The following GARIN1B variants were observed in gnomAD, a reference collection of about 807,000 sequenced individuals.
GARIN1B encodes the protein Golgi-associated RAB2 interactor protein 1B.
At chr7:128,731,012 T>A in the GARIN1B span, 494 of 1,257,746 alleles carry the variant, frequency 3.9e-4, 6 homozygotes, top group African/African-American at 4.1e-4. Flanking sequence ...ACAATTTTTT[T>A]AAATTAGCAT....
At chr7:128,729,061 C>T in the GARIN1B span, among the ~76,000 whole-genome samples, 2 of 152,140 alleles carry the variant, frequency 1.3e-5, no homozygotes, top group Non-Finnish European at 2.9e-5. Context: ...ATTTTAGGGT[C>T]GCAGGGTATC....
the GARIN1B span, among the ~76,000 whole-genome samples, chr7:128,721,964 C>T: frequency 9.2e-5 from 14 of 151,864 alleles, no homozygotes; most frequent in African/African-American, 3.1e-4. Context: ...TGCCTGGTCA[C>T]GGTGTATATA....
the GARIN1B span, chr7:128,730,034 C>A: frequency 6.2e-7 from 1 of 1,614,122 alleles, no homozygotes; most frequent in Non-Finnish European, 8.5e-7. Flanking sequence ...AGCACTCTGG[C>A]AGCCTCCACC....
At chr7:128,718,447 A>G in the GARIN1B span, among the ~76,000 whole-genome samples, 2,377 of 151,460 alleles carry the variant, frequency 0.016, 74 homozygotes, top group African/African-American at 0.055. Context: ...AAAAAAAAAA[A>G]AAAGAAAGAA....
chr7:128,718,492 A>G, the GARIN1B span, among the ~76,000 whole-genome samples: 1 of 152,050 alleles, frequency 6.6e-6, no homozygotes, highest in Non-Finnish European at 1.5e-5. Flanking sequence ...GTAAAATCCT[A>G]TGACTAGCCA....
At chr7:128,725,007 C>T in the GARIN1B span, 1 of 646,702 alleles carries the variant, frequency 1.5e-6, no homozygotes, top group Non-Finnish European at 2.2e-6. Flanking sequence ...ATCCAGATGT[C>T]AGGATCCAAT....
chr7:128,726,961 C>T, the GARIN1B span: 1 of 1,170,380 alleles, frequency 8.5e-7, no homozygotes, highest in Non-Finnish European at 1.3e-6. Flanking sequence ...CCTGGTTGTC[C>T]TGGTGCTGTC....
the GARIN1B span, chr7:128,718,854 A>G: frequency 6.2e-7 from 1 of 1,614,018 alleles, no homozygotes; most frequent in Admixed American, 1.7e-5. Context: ...AGGTTTGTGG[A>G]GCTCCAGGTA....
At chr7:128,715,167 G>A in the GARIN1B span, 1 of 829,080 alleles carries the variant, frequency 1.2e-6, no homozygotes, top group Non-Finnish European at 1.5e-6. Flanking sequence ...CTGGCTCACT[G>A]CTTTCTCAGC....
the GARIN1B span, among the ~76,000 whole-genome samples, chr7:128,714,715 G>A: frequency 4.6e-5 from 7 of 152,036 alleles, no homozygotes; most frequent in African/African-American, 7.2e-5. Context: ...TCCTCCTCTG[G>A]TTCAGGGGTG....
the GARIN1B span, among the ~76,000 whole-genome samples, chr7:128,712,688 C>T: frequency 6.6e-6 from 1 of 152,184 alleles, no homozygotes; most frequent in African/African-American, 2.4e-5. Flanking sequence ...AAGTTTTCAT[C>T]ACTAAAAGTG....
chr7:128,718,785 T>C, the GARIN1B span: 164,256 of 1,592,606 alleles, frequency 0.1, 11,372 homozygotes, highest in Admixed American at 0.3. Context: ...AGGGTCAGAT[T>C]GGATGCAATA....
chr7:128,716,355 C>T, the GARIN1B span, among the ~76,000 whole-genome samples: 7 of 152,006 alleles, frequency 4.6e-5, no homozygotes, highest in Middle Eastern at 6.8e-3. Flanking sequence ...TAGGGCACCT[C>T]GGGGAAGGAC....
the GARIN1B span, chr7:128,731,338 A>G: frequency 1.7e-6 from 1 of 599,314 alleles, no homozygotes; most frequent in African/African-American, 1.9e-5. Context: ...GAGCTGGCCT[A>G]GCAAGATGTG....
the GARIN1B span, chr7:128,715,459 A>G: frequency 6.2e-7 from 1 of 1,614,098 alleles, no homozygotes; most frequent in South Asian, 1.1e-5. Flanking sequence ...CATCATTTCC[A>G]CATAGAAAGA....
chr7:128,727,973 G>A, the GARIN1B span, among the ~76,000 whole-genome samples: 5 of 152,174 alleles, frequency 3.3e-5, no homozygotes, highest in Admixed American at 1.3e-4. Context: ...ACAATGGGAG[G>A]CAATTAATAC....
chr7:128,726,673 C>A, the GARIN1B span: 1 of 234,420 alleles, frequency 4.3e-6, no homozygotes, highest in Non-Finnish European at 6.9e-6. Flanking sequence ...ATATGCGTCA[C>A]ACCCATCCAA....
At chr7:128,711,198 G>A in the GARIN1B span, among the ~76,000 whole-genome samples, 5 of 151,996 alleles carry the variant, frequency 3.3e-5, no homozygotes, top group South Asian at 2.1e-4. Flanking sequence ...CGGAGATCTC[G>A]TGATAGAGCT....
At chr7:128,720,266 T>C in the GARIN1B span, among the ~76,000 whole-genome samples, 4 of 151,450 alleles carry the variant, frequency 2.6e-5, no homozygotes, top group Non-Finnish European at 5.9e-5. Flanking sequence ...TGGCACAATC[T>C]TAGCTCATTG....
Sources: gnomAD v4.1 joint callset for allele counts (sites outside exome capture counted in the v4.1 genomes callset) on GRCh38, gnomAD v4.1.1 for gene constraint, MANE v1.5 for transcripts, NCBI Gene and HGNC (gene_info 2026-07-23, HGNC 2026-07-21) for gene names.